SUPT3H: variants seen among roughly 807,000 people sequenced by gnomAD.
SUPT3H encodes the protein transcription initiation protein SPT3 homolog.
Under a neutral mutation model 44.3 loss-of-function variants are expected in SUPT3H, and 44 were observed. The observed-to-expected ratio is 0.99, with a 90% confidence interval of 0.78 to 1.28. SUPT3H has a LOEUF of 1.28. Ranked by LOEUF, SUPT3H falls within the 50% of genes most tolerant of loss-of-function variation. The probability of loss-of-function intolerance (pLI) is 0.00; values close to 1 mark genes in which losing one functional copy is unlikely to be tolerated. For missense variants in SUPT3H, 380 were observed against 387.1 expected (o/e 0.98, Z 0.15); for synonymous variants, 124 against 125.6 (o/e 0.99, Z 0.09).
chr6:44,916,456 A>C (rs644812), intron 10 of SUPT3H, among the ~76,000 whole-genome samples: 2,098 of 152,296 alleles, frequency 0.014, 58 homozygotes, highest in African/African-American at 0.048. Flanking sequence ...GGTACTCAGA[A>C]TGGGTCTGTT....
chr6:45,253,396 T>C (rs992318872), intron 2 of SUPT3H, among the ~76,000 whole-genome samples: 1 of 152,204 alleles, frequency 6.6e-6, no homozygotes, highest in African/African-American at 2.4e-5. Context: ...ACTGGGCATT[T>C]TGAAGTGCCC....
intron 2 of SUPT3H, among the ~76,000 whole-genome samples, chr6:45,172,798 G>A (rs1307665352): frequency 6.6e-6 from 1 of 151,902 alleles, no homozygotes; most frequent in African/African-American, 2.4e-5. Context: ...CACCATGTTG[G>A]CTAGGCTGGT....
intron 2 of SUPT3H, among the ~76,000 whole-genome samples, chr6:45,214,472 TA>T (rs1458244606): frequency 5.3e-5 from 8 of 152,258 alleles, no homozygotes; most frequent in African/African-American, 1.9e-4. Context: ...CAGAAACTTG[TA>T]TCTAATAATT....
intron 6 of SUPT3H, among the ~76,000 whole-genome samples, chr6:44,967,985 T>A (rs1194207030): frequency 1.3e-5 from 2 of 151,658 alleles, no homozygotes; most frequent in African/African-American, 4.8e-5. Flanking sequence ...AGAGATGAGA[T>A]CTCTATAAAA....
intron 10 of SUPT3H, among the ~76,000 whole-genome samples, chr6:44,860,412 G>T (rs996532414): frequency 6.6e-6 from 1 of 152,080 alleles, no homozygotes; most frequent in African/African-American, 2.4e-5. Flanking sequence ...CCTATAATTA[G>T]AATCACAGAC....
chr6:44,876,477 G>C (rs1396899689), intron 10 of SUPT3H, among the ~76,000 whole-genome samples: 1 of 128,400 alleles, frequency 7.8e-6, no homozygotes, highest in East Asian at 2.4e-4. Context: ...CACTGGAAGG[G>C]GAATATCATA....
intron 2 of SUPT3H, among the ~76,000 whole-genome samples, chr6:45,148,807 G>A (rs1806486871): frequency 2.6e-5 from 4 of 152,066 alleles, no homozygotes; most frequent in African/African-American, 9.7e-5. Context: ...GAGTTTTTGA[G>A]TATTGTGCCA....
rs548984292 is a variant in SUPT3H at position 44,929,050 on chromosome 6, A to G, written c.912+3603T>C. ...GGTGTGTGGCAGGTGACTGATGTTT[A>G]TGCCATTCTCCCTGTGTACTTCCTA... On this transcript the variant is annotated intron_variant, in intron 10 of 10. Coordinates refer to ENST00000371459, the MANE Select transcript of SUPT3H (RefSeq NM_003599.4). Among the ~76,000 whole-genome samples the G allele has an allele frequency of 5.9e-5, 9 of 152,040 alleles. No individual in the cohort carries two copies. The East Asian group carries it at 1.7e-3, about 29-fold the overall frequency.
chr6:45,135,463 G>A (rs894713775), intron 2 of SUPT3H, among the ~76,000 whole-genome samples: 2 of 151,956 alleles, frequency 1.3e-5, no homozygotes, highest in Admixed American at 6.6e-5. Context: ...CTTACTATAT[G>A]TGGTTAAAAG....
At chr6:44,936,089 A>G (rs1469514649) in intron 9 of SUPT3H, among the ~76,000 whole-genome samples, 1 of 149,110 alleles carries the variant, frequency 6.7e-6, no homozygotes, top group African/African-American at 2.4e-5. Context: ...AGCAACTGAA[A>G]GTCTAGTACT....
At chr6:44,994,939 T>G (rs1225079943) in intron 6 of SUPT3H, among the ~76,000 whole-genome samples, 1 of 151,994 alleles carries the variant, frequency 6.6e-6, no homozygotes, top group East Asian at 1.9e-4. Flanking sequence ...TTTTTTTTTT[T>G]TAATTAACTG....
At chr6:45,355,566 C>A (rs1793006476) in intron 2 of SUPT3H, among the ~76,000 whole-genome samples, 1 of 152,062 alleles carries the variant, frequency 6.6e-6, no homozygotes, top group South Asian at 2.1e-4. Flanking sequence ...ATCATGCTAC[C>A]TTAATCACTC....
intron 6 of SUPT3H, among the ~76,000 whole-genome samples, chr6:44,991,418 T>C (rs763226644): frequency 1.1e-4 from 16 of 152,280 alleles, no homozygotes; most frequent in South Asian, 6.2e-4. Flanking sequence ...GATCTGCCTT[T>C]TTGACTGATG....
chr6:45,236,972 T>C (rs1302431654), intron 2 of SUPT3H, among the ~76,000 whole-genome samples: 4 of 152,154 alleles, frequency 2.6e-5, no homozygotes, highest in Non-Finnish European at 5.9e-5. Flanking sequence ...ACAGGAGTCA[T>C]TGATTCAGAC....
intron 10 of SUPT3H, among the ~76,000 whole-genome samples, chr6:44,888,246 T>C (rs1332174448): frequency 6.6e-6 from 1 of 152,046 alleles, no homozygotes; most frequent in East Asian, 1.9e-4. Context: ...AAAGAGGGAA[T>C]CCTCCCTGAC....
At chr6:44,925,534 G>A (rs190285315) in intron 10 of SUPT3H, among the ~76,000 whole-genome samples, 9 of 152,164 alleles carry the variant, frequency 5.9e-5, no homozygotes, top group East Asian at 3.9e-4. Context: ...CATCACACTC[G>A]GCAAACACAG....
At chr6:45,260,144 A>T (rs912067220) in intron 2 of SUPT3H, among the ~76,000 whole-genome samples, 1 of 152,184 alleles carries the variant, frequency 6.6e-6, no homozygotes, top group African/African-American at 2.4e-5. Flanking sequence ...ATGGTATAAA[A>T]ATCAGCCCTG....
intron 7 of SUPT3H, among the ~76,000 whole-genome samples, chr6:44,957,947 G>GCCT (rs1775452713): frequency 6.6e-6 from 1 of 152,188 alleles, no homozygotes; most frequent in African/African-American, 2.4e-5. Context: ...TGGCTTTAGA[G>GCCT]CCTCACCCTT....
chr6:45,070,739 C>CAAAAAAAAAA (rs11393241), intron 3 of SUPT3H, among the ~76,000 whole-genome samples: 2 of 102,834 alleles, frequency 1.9e-5, no homozygotes, highest in African/African-American at 3.8e-5. Context: ...CTGTCTCAAA[C>CAAAAAAAAAA]AAAAAAAAAA....
Sources: gnomAD v4.1 joint callset for allele counts (sites outside exome capture counted in the v4.1 genomes callset) on GRCh38, gnomAD v4.1.1 for gene constraint, MANE v1.5 for transcripts, NCBI Gene and HGNC (gene_info 2026-07-23, HGNC 2026-07-21) for gene names.